PTPRN2: variants seen among roughly 807,000 people sequenced by gnomAD.
The protein encoded by PTPRN2 is receptor-type tyrosine-protein phosphatase N2.
A neutral mutation model predicts 118.8 loss-of-function variants in PTPRN2; 74 were observed. The observed-to-expected ratio is 0.62, with a 90% CI of 0.52 to 0.76. The LOEUF is 0.76. Ranked by LOEUF, PTPRN2 falls within the 30% of genes least tolerant of loss-of-function variation. PTPRN2 has a pLI of 0.00. For missense variants in PTPRN2, 1,481 were observed against 1,394.4 expected (o/e 1.06, Z -0.99); for synonymous variants, 641 against 608.0 (o/e 1.05, Z -0.80).
intron 12 of PTPRN2, among the ~76,000 whole-genome samples, chr7:157,888,089 A>C (rs1217899730): frequency 6.6e-6 from 1 of 151,382 alleles, no homozygotes. Context: ...CTGGAGAGAC[A>C]GACCCTGGTT....
chr7:158,406,116 C>T (rs1193866462), intron 2 of PTPRN2, among the ~76,000 whole-genome samples: 3 of 96,510 alleles, frequency 3.1e-5, no homozygotes, highest in Admixed American at 8.8e-5. Flanking sequence ...ACTGAGATCC[C>T]GGTGGCTCAT....
rs546743045 is a variant in PTPRN2 at position 157,652,322 on chromosome 7, A to G, written c.2196+4035T>C. 2.6e-5 allele frequency among the ~76,000 whole-genome samples: 4 copies of G among 152,278 alleles called. No individual in the cohort carries two copies. The East Asian group carries it at 7.7e-4, about 29-fold the overall frequency. On this transcript the variant is annotated intron_variant, in intron 14 of 22. Coordinates refer to ENST00000389418, the MANE Select transcript of PTPRN2 (RefSeq NM_002847.5). The stretch of plus-strand genomic sequence containing the variant: ...GGTCTCAGGATGGGCGGCATCTCAG[A>G]TGCTCACCCGGTTTTACCCTCACAG...
At chr7:158,271,007 G>A (rs867103449) in intron 3 of PTPRN2, among the ~76,000 whole-genome samples, 4 of 106,950 alleles carry the variant, frequency 3.7e-5, no homozygotes, top group African/African-American at 1.6e-4. Flanking sequence ...CATCCACCTG[G>A]ACCACCCCTC....
At position 157,987,690 on chromosome 7, in the gene PTPRN2, C is replaced by T. The variant is rs1803910727; in HGVS notation, c.1724-88953G>A. Reference sequence around the variant, plus strand: ...CGGGCCTGTCCTAAATGCTATCAGTCTTTCTCTAGAGATGGGGCAGTTATT... The same window carrying T: ...CGGGCCTGTCCTAAATGCTATCAGTTTTTCTCTAGAGATGGGGCAGTTATT... On this transcript the variant is annotated intron_variant, in intron 11 of 22. Coordinates refer to ENST00000389418, the MANE Select transcript of PTPRN2 (RefSeq NM_002847.5). This position sits in a 1 kb window ranked among gnomAD's most constrained non-coding sequence, Gnocchi z 4.3. Among the ~76,000 whole-genome samples the T allele has an allele frequency of 6.6e-6, 1 of 152,170 alleles. No individual in the cohort carries two copies. Among genetic ancestry groups the T allele is most frequent in the Non-Finnish European group, 1.5e-5 (1 of 68,026 alleles).
intron 19 of PTPRN2, among the ~76,000 whole-genome samples, chr7:157,576,050 T>C (rs2150523564): frequency 6.6e-6 from 1 of 152,256 alleles, no homozygotes; most frequent in South Asian, 2.1e-4. Flanking sequence ...ACTTCAACAG[T>C]TCAGTAAATA....
At chr7:158,505,596 C>T (rs1822683830) in intron 1 of PTPRN2, among the ~76,000 whole-genome samples, 1 of 152,066 alleles carries the variant, frequency 6.6e-6, no homozygotes, top group Non-Finnish European at 1.5e-5. Flanking sequence ...AATTTGAAAG[C>T]ATGTATTTCT....
chr7:158,550,538 G>C (rs1049661338), intron 1 of PTPRN2, among the ~76,000 whole-genome samples: 1 of 152,222 alleles, frequency 6.6e-6, no homozygotes, highest in African/African-American at 2.4e-5. Flanking sequence ...GCCACCCACG[G>C]AGTCTAACTG....
At chr7:157,646,688 C>T (rs1284335861) in intron 14 of PTPRN2, among the ~76,000 whole-genome samples, 1 of 152,112 alleles carries the variant, frequency 6.6e-6, no homozygotes. Flanking sequence ...GAACAGAGTC[C>T]CAGGAGCGTC....
intron 12 of PTPRN2, among the ~76,000 whole-genome samples, chr7:157,727,219 T>G (rs1012568121): frequency 1.7e-4 from 26 of 152,194 alleles, no homozygotes; most frequent in African/African-American, 5.5e-4. Flanking sequence ...AAAGGGTGGA[T>G]GCAAGGCCAG....
At chr7:158,138,636 C>A in intron 6 of PTPRN2, 121 bp from the exon 7 acceptor site, 1 of 817,630 alleles carries the variant, frequency 1.2e-6, no homozygotes, top group South Asian at 1.7e-5. Context: ...CACCTAGGGC[C>A]AGGCGCAGGC....
At chr7:157,664,040 CTGCCAGTGTGGGCTCACTGGAGA>C (rs1261943001) in intron 13 of PTPRN2, among the ~76,000 whole-genome samples, 1 of 152,180 alleles carries the variant, frequency 6.6e-6, no homozygotes, top group African/African-American at 2.4e-5. Flanking sequence ...CTAAGCAAGG[CTGCCAGTGTGGGCTCACTGGAGA>C]TGCCACTGGG....
At chr7:158,164,102 A>G (rs1822647661) in intron 6 of PTPRN2, among the ~76,000 whole-genome samples, 1 of 151,630 alleles carries the variant, frequency 6.6e-6, no homozygotes, top group African/African-American at 2.4e-5. Context: ...GAGTGGAGAG[A>G]GCACGGTCAG....
chr7:157,848,545 G>A (rs901314715), intron 12 of PTPRN2, among the ~76,000 whole-genome samples: 13 of 152,336 alleles, frequency 8.5e-5, no homozygotes, highest in Admixed American at 1.3e-4. Flanking sequence ...CTCTCATTCC[G>A]TTTGATTTGC....
intron 17 of PTPRN2, among the ~76,000 whole-genome samples, chr7:157,588,011 G>A (rs1013234748): frequency 4.0e-5 from 6 of 151,778 alleles, no homozygotes; most frequent in African/African-American, 1.2e-4. Context: ...GGGCTCCCGC[G>A]GTGGCTGTCC....
intron 4 of PTPRN2, among the ~76,000 whole-genome samples, chr7:158,203,082 A>G (rs910399750): frequency 6.6e-6 from 1 of 152,032 alleles, no homozygotes; most frequent in Non-Finnish European, 1.5e-5. Context: ...AAATACAAAA[A>G]TTAGCTGGGT....
intron 12 of PTPRN2, among the ~76,000 whole-genome samples, chr7:157,687,905 A>G (rs1313825049): frequency 6.6e-6 from 1 of 152,258 alleles, no homozygotes; most frequent in African/African-American, 2.4e-5. Flanking sequence ...ATTCTAATAA[A>G]TGAGAGAAGT....
intron 6 of PTPRN2, among the ~76,000 whole-genome samples, chr7:158,157,763 G>T (rs776088960): frequency 2.0e-5 from 3 of 152,130 alleles, no homozygotes; most frequent in African/African-American, 7.2e-5. Context: ...CCAGCACCCC[G>T]GGTGCCCTCT....
chr7:158,025,091 G>A (rs1807167609), intron 11 of PTPRN2, among the ~76,000 whole-genome samples: 1 of 152,090 alleles, frequency 6.6e-6, no homozygotes, highest in South Asian at 2.1e-4. Context: ...ACATGCACTG[G>A]ACAAAGACAC....
chr7:158,019,366 TAGA>T (rs1218026144), intron 11 of PTPRN2, among the ~76,000 whole-genome samples: 2 of 152,284 alleles, frequency 1.3e-5, no homozygotes, highest in African/African-American at 2.4e-5. Flanking sequence ...GGACATGCGA[TAGA>T]AGGAGGGGGC....
Sources: gnomAD v4.1 joint callset for allele counts (sites outside exome capture counted in the v4.1 genomes callset) on GRCh38, gnomAD v4.1.1 for gene constraint, Gnocchi (gnomAD v3.1) non-coding constraint, MANE v1.5 for transcripts, NCBI Gene and HGNC (gene_info 2026-07-23, HGNC 2026-07-21) for gene names.